Variants in NEGR1 observed in about 807,000 individuals in gnomAD.
NEGR1 encodes IgLON family member 4.
In NEGR1, 10 loss-of-function variants were observed where a neutral mutation model predicts 40.9. That is an observed-to-expected ratio of 0.24 (90% CI 0.15 to 0.42). The LOEUF (loss-of-function observed/expected upper bound fraction) is 0.42. Ranked by LOEUF, NEGR1 falls within the 10% of genes least tolerant of loss-of-function variation. The probability of loss-of-function intolerance (pLI) is 1.00; values close to 1 mark genes in which losing one functional copy is unlikely to be tolerated. For missense variants in NEGR1, 352 were observed against 438.9 expected, an observed-to-expected ratio of 0.80 and a Z score of 1.77; for synonymous variants, 185 against 166.8, an observed-to-expected ratio of 1.11 and a Z score of -0.84.
At chr1:71,413,742 A>T (rs1330100060) in intron 6 of NEGR1, among the ~76,000 whole-genome samples, 1 of 152,090 alleles carries the variant, frequency 6.6e-6, no homozygotes, top group African/African-American at 2.4e-5. Context: ...GTGGAGTGTA[A>T]GCCTTTGAGA....
intron 6 of NEGR1, among the ~76,000 whole-genome samples, chr1:71,581,412 A>T (rs1045386826): frequency 1.3e-5 from 2 of 152,186 alleles, no homozygotes; most frequent in African/African-American, 4.8e-5. Flanking sequence ...GTATTCCAAA[A>T]CTATTCTCCG....
At chr1:71,935,766 C>T (rs1186576616) in intron 1 of NEGR1, among the ~76,000 whole-genome samples, 1 of 151,966 alleles carries the variant, frequency 6.6e-6, no homozygotes, top group Non-Finnish European at 1.5e-5. Context: ...AAATCATAGA[C>T]TCATATAAGG....
chr1:71,416,698 T>G (rs2101270934), intron 6 of NEGR1, among the ~76,000 whole-genome samples: 1 of 152,322 alleles, frequency 6.6e-6, no homozygotes, highest in South Asian at 2.1e-4. Flanking sequence ...TTCTGCAAGC[T>G]ACTTTTTCAG....
At chr1:71,998,724 TATTA>T (rs1319283487) in intron 1 of NEGR1, among the ~76,000 whole-genome samples, 3 of 151,294 alleles carry the variant, frequency 2.0e-5, no homozygotes, top group Non-Finnish European at 4.4e-5. Context: ...TATTCATATA[TATTA>T]ATTCTTTTAT....
chr1:71,809,113 T>C (rs948203388), intron 2 of NEGR1, among the ~76,000 whole-genome samples: 1 of 152,174 alleles, frequency 6.6e-6, no homozygotes, highest in African/African-American at 2.4e-5. Flanking sequence ...CACTGATAAG[T>C]GATGGATACA....
intron 6 of NEGR1, among the ~76,000 whole-genome samples, chr1:71,491,028 A>G (rs1646924198): frequency 6.6e-6 from 1 of 152,022 alleles, no homozygotes; most frequent in Non-Finnish European, 1.5e-5. Flanking sequence ...ACAAGTGCTC[A>G]CGTAATGTTT....
chr1:72,248,675 T>C (rs1353021152), intron 1 of NEGR1, among the ~76,000 whole-genome samples: 1 of 150,930 alleles, frequency 6.6e-6, no homozygotes, highest in African/African-American at 2.4e-5. Context: ...CTTGGCCCAC[T>C]GCAACGTCTG....
chr1:71,751,010 T>C (rs2101687538), intron 3 of NEGR1, among the ~76,000 whole-genome samples: 1 of 152,218 alleles, frequency 6.6e-6, no homozygotes, highest in Non-Finnish European at 1.5e-5. Flanking sequence ...GTGATGATCT[T>C]ATACAGGTGT....
At chr1:72,088,635 G>A (rs1648319940) in intron 1 of NEGR1, among the ~76,000 whole-genome samples, 3 of 151,904 alleles carry the variant, frequency 2.0e-5, no homozygotes, top group Admixed American at 1.3e-4. Context: ...CAAAATCAAG[G>A]ATACTAGAAT....
rs1175436442 is a variant in NEGR1 at position 71,402,004 on chromosome 1, G to A, written c.*5442C>T. Reference sequence around the variant, plus strand: ...AAATATCTATATTTATATTTAAAATGTGCTTATATTTATATAAATATATAA... The same window carrying A: ...AAATATCTATATTTATATTTAAAATATGCTTATATTTATATAAATATATAA... On this transcript the variant is annotated 3_prime_UTR_variant, in exon 7 of 7. Coordinates refer to ENST00000357731, the MANE Select transcript of NEGR1 (RefSeq NM_173808.3). 2.0e-5 allele frequency: 3 copies of A among 151,750 alleles called. No homozygotes were observed. The highest frequency in any genetic ancestry group is 6.6e-5 in the Admixed American group (1 of 15,212). 9.4% of individuals were successfully genotyped at this position (151,750 alleles called of 1,614,324 possible). A position where few individuals can be genotyped will look rare whatever the true frequency, so the allele number is the denominator to read the frequency against.
At chr1:71,469,545 G>C (rs1294026394) in intron 6 of NEGR1, among the ~76,000 whole-genome samples, 2 of 151,940 alleles carry the variant, frequency 1.3e-5, no homozygotes, top group African/African-American at 4.8e-5. Context: ...AGCTGAATTA[G>C]GATTATCTTG....
intron 2 of NEGR1, among the ~76,000 whole-genome samples, chr1:71,914,087 C>A (rs539683220): frequency 6.6e-6 from 1 of 152,248 alleles, no homozygotes; most frequent in Non-Finnish European, 1.5e-5. Flanking sequence ...GAGATCAGAG[C>A]TTATGGTCAA....
intron 2 of NEGR1, among the ~76,000 whole-genome samples, chr1:71,813,887 T>C (rs1044635013): frequency 2.4e-4 from 37 of 152,102 alleles, no homozygotes; most frequent in Admixed American, 1.9e-3. Flanking sequence ...ACAGAGACCA[T>C]TTGACTTCCT....
intron 6 of NEGR1, among the ~76,000 whole-genome samples, chr1:71,416,982 G>A (rs1209497644): frequency 1.3e-5 from 2 of 152,180 alleles, no homozygotes; most frequent in African/African-American, 2.4e-5. Flanking sequence ...AGGAGGTGAG[G>A]CTGACAGGGA....
At chr1:72,049,101 T>G (rs1647032458) in intron 1 of NEGR1, among the ~76,000 whole-genome samples, 1 of 151,508 alleles carries the variant, frequency 6.6e-6, no homozygotes, top group Admixed American at 6.6e-5. Flanking sequence ...GTCAAGAGGA[T>G]AGCTTGAGGC....
In NEGR1 at chr1:72,090,203, G is replaced by A. The variant is rs1648412612; in HGVS notation, c.177-154892C>T. ...TTCCCCTGGGCTATTGACACACAGA[G>A]TCATTTAGGCATATTATAATCATTA... On this transcript the variant is annotated intron_variant, in intron 1 of 6. Coordinates refer to ENST00000357731, the MANE Select transcript of NEGR1 (RefSeq NM_173808.3). 3.3e-5 allele frequency among the ~76,000 whole-genome samples: 5 copies of A among 152,038 alleles called. No homozygotes were observed. The South Asian group carries it at 1.0e-3, about 32-fold the overall frequency.
intron 4 of NEGR1, among the ~76,000 whole-genome samples, chr1:71,679,357 G>GACTTTTCATATCAAAAATATAGTAT (rs1652752806): frequency 6.6e-6 from 1 of 152,044 alleles, no homozygotes; most frequent in Non-Finnish European, 1.5e-5. Flanking sequence ...CATTTATAAT[G>GACTTTTCATATCAAAAATATAGTAT]ACTTTTCATA....
At chr1:71,926,650 A>T (rs915867330) in intron 2 of NEGR1, among the ~76,000 whole-genome samples, 1 of 147,230 alleles carries the variant, frequency 6.8e-6, no homozygotes, top group Non-Finnish European at 1.5e-5. Flanking sequence ...TATCAATATG[A>T]TTTTTTTTTT....
chr1:72,156,329 CA>C (rs879509631), intron 1 of NEGR1, among the ~76,000 whole-genome samples: 2 of 152,022 alleles, frequency 1.3e-5, no homozygotes, highest in Non-Finnish European at 2.9e-5. Flanking sequence ...GCTTGGGAGT[CA>C]ACAAGGCTAC....
Sources: gnomAD v4.1 joint callset for allele counts (sites outside exome capture counted in the v4.1 genomes callset) on GRCh38, gnomAD v4.1.1 for gene constraint, MANE v1.5 for transcripts, NCBI Gene and HGNC (gene_info 2026-07-23, HGNC 2026-07-21) for gene names.